The following PTPRN2 variants were observed in gnomAD, a reference collection of about 807,000 sequenced individuals.
PTPRN2 encodes receptor-type tyrosine-protein phosphatase N2.
PTPRN2 carries 74 observed loss-of-function variants against 118.8 expected under a neutral mutation model. That is an observed-to-expected ratio of 0.62 (90% CI 0.52 to 0.76). The LOEUF is 0.76. Ranked by LOEUF, PTPRN2 falls within the 30% of genes least tolerant of loss-of-function variation. The pLI is 0.00. For synonymous variants in PTPRN2, 641 were observed against 608.0 expected, an observed-to-expected ratio of 1.05 and a Z score of -0.80; for missense variants, 1,481 against 1,394.4, an observed-to-expected ratio of 1.06 and a Z score of -0.99.
intron 11 of PTPRN2, among the ~76,000 whole-genome samples, chr7:158,045,725 C>T (rs1333387455): frequency 6.7e-6 from 1 of 149,754 alleles, no homozygotes; most frequent in Non-Finnish European, 1.5e-5. Context: ...CTGACACTGC[C>T]TTGTTCTGTC....
intron 11 of PTPRN2, among the ~76,000 whole-genome samples, chr7:157,900,816 G>C (rs1797395739): frequency 6.6e-6 from 1 of 152,192 alleles, no homozygotes; most frequent in African/African-American, 2.4e-5. Context: ...TTATGGCACT[G>C]GGTAATTTCT....
At chr7:158,080,994 G>A (rs906893506) in intron 11 of PTPRN2, among the ~76,000 whole-genome samples, 3 of 152,248 alleles carry the variant, frequency 2.0e-5, no homozygotes, top group Non-Finnish European at 2.9e-5. Flanking sequence ...ATTTGTTCTC[G>A]GTCACTTGCA....
chr7:158,273,397 C>CGCGGG (rs1265216976), intron 3 of PTPRN2, among the ~76,000 whole-genome samples: 2 of 149,078 alleles, frequency 1.3e-5, no homozygotes, highest in African/African-American at 5.0e-5. Context: ...TGGATGCAGA[C>CGCGGG]ACGGGAGGAG....
At chr7:158,537,971 A>C (rs1825746577) in intron 1 of PTPRN2, among the ~76,000 whole-genome samples, 1 of 152,364 alleles carries the variant, frequency 6.6e-6, no homozygotes, top group African/African-American at 2.4e-5. Context: ...AAAATGCTGA[A>C]AAGCCATCAC....
intron 2 of PTPRN2, among the ~76,000 whole-genome samples, chr7:158,345,422 G>A (rs955247536): frequency 4.6e-5 from 7 of 152,152 alleles, no homozygotes; most frequent in Non-Finnish European, 1.0e-4. Flanking sequence ...AGTAAGCTTC[G>A]GAGGCTCAGG....
chr7:158,340,213 C>T (rs1465034791), intron 2 of PTPRN2, among the ~76,000 whole-genome samples: 1 of 86,954 alleles, frequency 1.2e-5, no homozygotes, highest in Admixed American at 1.2e-4. Context: ...ACCATAAGAG[C>T]TGATGCCGGC....
At chr7:158,103,290 T>C (rs1338179655) in intron 10 of PTPRN2, among the ~76,000 whole-genome samples, 3 of 152,202 alleles carry the variant, frequency 2.0e-5, no homozygotes, top group African/African-American at 7.2e-5. Context: ...ATGGAATCCT[T>C]CGTGGAAAGG....
intron 12 of PTPRN2, among the ~76,000 whole-genome samples, chr7:157,835,168 C>A (rs942060895): frequency 1.3e-5 from 2 of 152,284 alleles, no homozygotes; most frequent in Middle Eastern, 3.4e-3. Flanking sequence ...GACAAGCAGA[C>A]CTTCCAGGAG....
chr7:158,129,494 A>ACACAC (rs1554549019), intron 9 of PTPRN2, among the ~76,000 whole-genome samples: 43,528 of 146,596 alleles, frequency 0.3, 6,888 homozygotes, highest in Middle Eastern at 0.45. Context: ...CAGCACACAC[A>ACACAC]CACACCATGC....
At chr7:158,145,809 T>C (rs1202712773) in intron 6 of PTPRN2, among the ~76,000 whole-genome samples, 2 of 152,218 alleles carry the variant, frequency 1.3e-5, no homozygotes, top group African/African-American at 4.8e-5. Context: ...TCCATCCTTG[T>C]GCTGCCCTGC....
chr7:158,466,729 C>T (rs970959822), intron 2 of PTPRN2, among the ~76,000 whole-genome samples: 2 of 152,196 alleles, frequency 1.3e-5, no homozygotes, highest in Non-Finnish European at 1.5e-5. Context: ...GAGGAACCTA[C>T]ACACTGTTTC....
intron 2 of PTPRN2, among the ~76,000 whole-genome samples, chr7:158,325,483 T>C (rs969376778): frequency 6.6e-6 from 1 of 152,260 alleles, no homozygotes; most frequent in African/African-American, 2.4e-5. Context: ...CTTAGGGCAT[T>C]GTTTGAAATA....
At chr7:158,378,455 C>T (rs1467458605) in intron 2 of PTPRN2, among the ~76,000 whole-genome samples, 1 of 152,194 alleles carries the variant, frequency 6.6e-6, no homozygotes, top group Non-Finnish European at 1.5e-5. Flanking sequence ...CCCAGTGACT[C>T]ATGGTGACCA....
intron 1 of PTPRN2, among the ~76,000 whole-genome samples, chr7:158,494,550 C>G (rs1384615715): frequency 6.6e-6 from 1 of 152,246 alleles, no homozygotes; most frequent in African/African-American, 2.4e-5. Context: ...CTCCAAGCTG[C>G]AGACAGGACT....
At chr7:158,457,043 T>TA (rs35235191) in intron 2 of PTPRN2, among the ~76,000 whole-genome samples, 3 of 151,128 alleles carry the variant, frequency 2.0e-5, no homozygotes, top group African/African-American at 7.3e-5. Flanking sequence ...TTCCATTAAT[T>TA]AAAAAAAAAG....
In PTPRN2 at chr7:158,167,305, G is replaced by A; in HGVS notation, c.550-14C>T. The A allele has an allele frequency of 2.6e-6, 4 of 1,563,686 alleles. No homozygotes were observed. The highest frequency in any genetic ancestry group is 3.5e-6 in the Non-Finnish European group (4 of 1,155,838). On this transcript the variant is annotated splice_polypyrimidine_tract_variant and intron_variant, in intron 5 of 22. Coordinates refer to ENST00000389418, the MANE Select transcript of PTPRN2 (RefSeq NM_002847.5). ...GCGGTCATCACCCTGAAGGAAAGGAGAGCAAAACAGAGCAAGAGTCACATT... is the reference window on the plus strand; with the variant it reads ...GCGGTCATCACCCTGAAGGAAAGGAAAGCAAAACAGAGCAAGAGTCACATT...
chr7:157,578,172 T>C, intron 17 of PTPRN2, 32 bp from the exon 18 acceptor site: 1 of 1,585,944 alleles, frequency 6.3e-7, no homozygotes, highest in East Asian at 2.3e-5. Context: ...GGCCGCGGTG[T>C]GACTGTCTCA....
chr7:157,911,119 A>G lies in PTPRN2; in HGVS notation c.1724-12382T>C, dbSNP rs144576711. Among the ~76,000 whole-genome samples, 994 of 152,300 alleles carry G rather than the reference A, an allele frequency of 6.5e-3. 12 individuals are homozygous for G. The highest frequency in any genetic ancestry group is 0.023 in the African/African-American group (954 of 41,554). ...CACTGTGGCACAGCAAGCCAAGAAG[A>G]GGCTATCCATGAAGATCGGTCTCCG... On this transcript the variant is annotated intron_variant, in intron 11 of 22. Transcript: ENST00000389418.
At chr7:158,372,160 GCCCACCCCGTGCTGGTC>G (rs1563212655) in intron 2 of PTPRN2, among the ~76,000 whole-genome samples, 1 of 152,130 alleles carries the variant, frequency 6.6e-6, no homozygotes, top group East Asian at 1.9e-4. Context: ...AGTCTCACCT[GCCCACCCCGTGCTGGTC>G]CCCAGAGCTG....
Sources: gnomAD v4.1 joint callset for allele counts (sites outside exome capture counted in the v4.1 genomes callset) on GRCh38, gnomAD v4.1.1 for gene constraint, MANE v1.5 for transcripts, NCBI Gene and HGNC (gene_info 2026-07-23, HGNC 2026-07-21) for gene names.